Variants in PCDH9 observed in about 807,000 individuals in gnomAD.
PCDH9 encodes the protein protocadherin-9.
Under a neutral mutation model 70.6 loss-of-function variants are expected in PCDH9, and 24 were observed. That is an observed-to-expected ratio of 0.34 (90% CI 0.25 to 0.48). The LOEUF (loss-of-function observed/expected upper bound fraction) is 0.48. PCDH9 is among the 20% of genes least tolerant of loss of function. PCDH9 has a pLI of 0.99. For missense variants in PCDH9, 1,281 were observed against 1,503.6 expected (o/e 0.85, Z 2.45); for synonymous variants, 562 against 558.5 (o/e 1.01, Z -0.09).
chr13:67,127,095 G>T (rs907772068), intron 2 of PCDH9, among the ~76,000 whole-genome samples: 3 of 152,086 alleles, frequency 2.0e-5, no homozygotes, highest in African/African-American at 7.2e-5. Context: ...TGGTTCCAGA[G>T]GTATTTTTGC....
intron 2 of PCDH9, among the ~76,000 whole-genome samples, chr13:67,051,716 A>G (rs940890317): frequency 6.6e-6 from 1 of 151,998 alleles, no homozygotes; most frequent in Non-Finnish European, 1.5e-5. Context: ...AAAAGACTTA[A>G]AGGAAGCTGG....
rs2088739322 is a variant in PCDH9 at position 67,185,782 on chromosome 13, G to A, written c.3036+39623C>T. Among the ~76,000 whole-genome samples the A allele has an allele frequency of 2.6e-5, 4 of 152,088 alleles. No individual in the cohort carries two copies. The South Asian group carries it at 8.3e-4, about 32-fold the overall frequency. Reference sequence around the variant, plus strand: ...AGTTTCACTCTTGTTGCCCAGGCTGGAGTGCAATGGCACAATCTCAGCTCA... The same window carrying A: ...AGTTTCACTCTTGTTGCCCAGGCTGAAGTGCAATGGCACAATCTCAGCTCA... On this transcript the variant is annotated intron_variant, in intron 2 of 4. Transcript: ENST00000377865.
chr13:66,420,497 A>C (rs1442659613), intron 4 of PCDH9, among the ~76,000 whole-genome samples: 2 of 152,286 alleles, frequency 1.3e-5, no homozygotes, highest in South Asian at 4.1e-4. Context: ...GCAGGCAGCA[A>C]TCTTTGCTGT....
chr13:66,990,805 T>C (rs2083987567), intron 2 of PCDH9: 1 of 151,766 alleles, frequency 6.6e-6, no homozygotes, highest in Admixed American at 6.6e-5. Context: ...ATCCAGCAGA[T>C]AATCAATATA....
intron 2 of PCDH9, among the ~76,000 whole-genome samples, chr13:66,931,661 AG>A (rs1216651061): frequency 8.5e-5 from 13 of 152,182 alleles, no homozygotes; most frequent in Non-Finnish European, 2.9e-5. Context: ...AGTAGGAAGC[AG>A]CAAGCACATG....
intron 2 of PCDH9, among the ~76,000 whole-genome samples, chr13:66,952,922 G>C (rs2083207294): frequency 6.6e-6 from 1 of 152,042 alleles, no homozygotes; most frequent in African/African-American, 2.4e-5. Flanking sequence ...ATCTTCCTTT[G>C]TCTCTTGGCT....
intron 3 of PCDH9, among the ~76,000 whole-genome samples, chr13:66,832,255 C>T (rs956938645): frequency 3.9e-5 from 6 of 151,924 alleles, no homozygotes; most frequent in East Asian, 1.9e-4. Context: ...TGCCGTATGA[C>T]GTTTTATAGA....
At chr13:67,198,538 T>G (rs1396759821) in intron 2 of PCDH9, among the ~76,000 whole-genome samples, 1 of 151,916 alleles carries the variant, frequency 6.6e-6, no homozygotes, top group Admixed American at 6.6e-5. Context: ...ATTAGGATGG[T>G]TGCTAAGTGT....
At chr13:66,665,937 T>G (rs550000895) in intron 3 of PCDH9, among the ~76,000 whole-genome samples, 11 of 152,198 alleles carry the variant, frequency 7.2e-5, no homozygotes, top group African/African-American at 2.6e-4. Flanking sequence ...TAGACAGAAT[T>G]CAAATAGCCT....
intron 3 of PCDH9, among the ~76,000 whole-genome samples, chr13:66,901,152 T>C (rs1266764900): frequency 6.6e-6 from 1 of 151,782 alleles, no homozygotes; most frequent in African/African-American, 2.4e-5. Context: ...ATCTGTTTTC[T>C]TCAAGTTTTA....
intron 4 of PCDH9, among the ~76,000 whole-genome samples, chr13:66,407,248 C>T (rs1196199296): frequency 6.6e-6 from 1 of 152,184 alleles, no homozygotes; most frequent in African/African-American, 2.4e-5. Context: ...AGCGTAAATA[C>T]ATCTGAGAGA....
chr13:66,450,473 T>C (rs1216545497), intron 4 of PCDH9, among the ~76,000 whole-genome samples: 2 of 152,118 alleles, frequency 1.3e-5, no homozygotes, highest in African/African-American at 2.4e-5. Context: ...CGCAGAGACT[T>C]TGAAAGAAGA....
chr13:66,982,677 T>G (rs1185502086), intron 2 of PCDH9, among the ~76,000 whole-genome samples: 1 of 152,146 alleles, frequency 6.6e-6, no homozygotes, highest in African/African-American at 2.4e-5. Flanking sequence ...AACTAACTTG[T>G]TCAGGGTAGG....
intron 3 of PCDH9, among the ~76,000 whole-genome samples, chr13:66,641,015 C>T (rs2077701857): frequency 6.6e-6 from 1 of 152,044 alleles, no homozygotes; most frequent in South Asian, 2.1e-4. Context: ...AGTGGGATTA[C>T]AGGTGCTTCC....
chr13:67,042,425 A>G (rs1166607161), intron 2 of PCDH9, among the ~76,000 whole-genome samples: 1 of 152,176 alleles, frequency 6.6e-6, no homozygotes, highest in Non-Finnish European at 1.5e-5. Context: ...AGAGCCCCTT[A>G]TAAAACCATC....
chr13:66,984,713 A>T (rs1357817258), intron 2 of PCDH9, among the ~76,000 whole-genome samples: 1 of 152,156 alleles, frequency 6.6e-6, no homozygotes, highest in Non-Finnish European at 1.5e-5. Context: ...ATTTAACTAT[A>T]ATTTCAATTT....
chr13:66,929,680 A>G (rs1004291139), intron 2 of PCDH9, among the ~76,000 whole-genome samples: 3 of 152,138 alleles, frequency 2.0e-5, no homozygotes, highest in African/African-American at 7.2e-5. Context: ...GTACACAAAA[A>G]CACTCGTTCC....
chr13:66,536,822 C>T (rs987969197), intron 4 of PCDH9, among the ~76,000 whole-genome samples: 2 of 48,524 alleles, frequency 4.1e-5, no homozygotes, highest in African/African-American at 5.4e-5. Context: ...AATGAGTGGG[C>T]GTTTAAAAGC....
intron 2 of PCDH9, among the ~76,000 whole-genome samples, chr13:67,181,442 A>C (rs2138483499): frequency 6.6e-6 from 1 of 152,332 alleles, no homozygotes; most frequent in Middle Eastern, 3.4e-3. Flanking sequence ...AATGGGTAGA[A>C]AAATCACACA....
Sources: allele counts gnomAD v4.1 joint callset (sites outside exome capture counted in the v4.1 genomes callset), GRCh38; gene constraint gnomAD v4.1.1; transcripts MANE v1.5; gene names NCBI Gene and HGNC (gene_info 2026-07-23, HGNC 2026-07-21).